Variants in SLC4A5 observed in about 807,000 individuals in gnomAD.
SLC4A5 encodes the protein solute carrier family 4 member 5.
In SLC4A5, 96 loss-of-function variants were observed where a neutral mutation model predicts 120.4. The ratio of observed to expected loss-of-function variants is 0.80; its 90% CI spans 0.68 to 0.94. The LOEUF (loss-of-function observed/expected upper bound fraction) is 0.94, where lower values mean the gene tolerates loss of function less well. SLC4A5 is among the 40% of genes least tolerant of loss of function. The probability of loss-of-function intolerance (pLI) is 0.00; values close to 1 mark genes in which losing one functional copy is unlikely to be tolerated. For synonymous variants in SLC4A5, 550 were observed against 571.1 expected (o/e 0.96, Z 0.53); for missense variants, 1,259 against 1,459.5 (o/e 0.86, Z 2.24).
exon 31 of SLC4A5, chr2:74,218,616 G>A (rs970634099): frequency 2.0e-5 from 3 of 152,628 alleles, no homozygotes; most frequent in Admixed American, 6.5e-5. Flanking sequence ...TCTGGGAGAA[G>A]CTGCTTCATC....
At chr2:74,290,647 GAGAA>G in intron 7 of SLC4A5, 1 of 972,360 alleles carries the variant, frequency 1.0e-6, no homozygotes, top group Non-Finnish European at 1.2e-6. Context: ...GAGAGAGAGA[GAGAA>G]GTGAGCAAGA....
At chr2:74,270,698 C>T (rs940866521) in intron 8 of SLC4A5, among the ~76,000 whole-genome samples, 1 of 152,098 alleles carries the variant, frequency 6.6e-6, no homozygotes, top group Admixed American at 6.5e-5. Context: ...AAAACAAAAA[C>T]CAATGCCTGG....
At chr2:74,328,880 G>C (rs1362977848) in intron 4 of SLC4A5, among the ~76,000 whole-genome samples, 4 of 152,196 alleles carry the variant, frequency 2.6e-5, no homozygotes, top group African/African-American at 9.7e-5. Flanking sequence ...ATAAACATGT[G>C]TACTTATTTT....
intron 5 of SLC4A5, 64 bp from the exon 6 acceptor site, chr2:74,315,089 A>T (rs1290280434): frequency 3.7e-6 from 5 of 1,342,576 alleles, no homozygotes; most frequent in African/African-American, 1.4e-5. Context: ...TTTCAAGGAG[A>T]AATGGTCAAA....
In SLC4A5 at chr2:74,231,231, C is replaced by T. The variant is rs1558868109; in HGVS notation, c.2847+5G>A. The T allele has an allele frequency of 6.2e-7, 1 of 1,610,724 alleles. No homozygotes were observed. The highest frequency in any genetic ancestry group is 8.5e-7 in the Non-Finnish European group (1 of 1,178,258). ...GAGGCCCTAGGTGACAGTGCAGGAC[C>T]TCACCTTTAGGATGGGAGCCAGGAA... On this transcript the variant is annotated splice_donor_5th_base_variant and intron_variant, in intron 25 of 30. Transcript: ENST00000394019.
rs558432925 is a variant in SLC4A5 at position 74,296,052 on chromosome 2, C to T, written c.271+8437G>A. Reference sequence around the variant, plus strand: ...ATTTTCATTGGTTCACTTGCAAATTCAGGCTCTCAACCCATTTCCCCTTAA... The same window carrying T: ...ATTTTCATTGGTTCACTTGCAAATTTAGGCTCTCAACCCATTTCCCCTTAA... On this transcript the variant is annotated intron_variant, in intron 7 of 30. Coordinates refer to ENST00000394019, the Ensembl canonical transcript of SLC4A5. 5.3e-5 allele frequency among the ~76,000 whole-genome samples: 8 copies of T among 152,324 alleles called. No homozygotes were observed. In the South Asian group the frequency reaches 1.7e-3, roughly 32 times the overall value.
At chr2:74,282,275 G>T (rs1367802299) in intron 8 of SLC4A5, among the ~76,000 whole-genome samples, 2 of 152,340 alleles carry the variant, frequency 1.3e-5, no homozygotes, top group East Asian at 1.9e-4. Flanking sequence ...TAGCTGTAGA[G>T]AGTAGAAAAG....
intron 5 of SLC4A5, among the ~76,000 whole-genome samples, chr2:74,323,589 T>C (rs1673145691): frequency 6.6e-6 from 1 of 151,670 alleles, no homozygotes; most frequent in South Asian, 2.1e-4. Context: ...AGGGAAAAAA[T>C]GAAATGTAAA....
intron 21 of SLC4A5, 152 bp downstream of exon 21, chr2:74,239,183 C>T: frequency 1.5e-6 from 1 of 665,488 alleles, no homozygotes; most frequent in South Asian, 1.9e-5. Flanking sequence ...GACCAGCCAA[C>T]AAGGGAACAC....
intron 21 of SLC4A5, among the ~76,000 whole-genome samples, chr2:74,237,323 C>A (rs1236134607): frequency 6.6e-6 from 1 of 152,076 alleles, no homozygotes; most frequent in African/African-American, 2.4e-5. Flanking sequence ...GTTGTTGGCA[C>A]AAGAATTTCA....
chr2:74,244,849 A>C (rs149094129), intron 19 of SLC4A5, among the ~76,000 whole-genome samples: 4 of 152,348 alleles, frequency 2.6e-5, no homozygotes, highest in Non-Finnish European at 5.9e-5. Flanking sequence ...GAGAACCATG[A>C]CAATAGCATG....
chr2:74,308,197 A>T lies in SLC4A5; in HGVS notation c.80-3517T>A, dbSNP rs189339153. 4.7e-4 allele frequency among the ~76,000 whole-genome samples: 71 copies of T among 152,372 alleles called. No homozygotes were observed. In the East Asian group the frequency reaches 0.013, roughly 29 times the overall value. ...AGTGCAGCTCTAAACATTCATATGT[A>T]GGCTTCTATGTGAACATAATTTTCA... On this transcript the variant is annotated intron_variant, in intron 6 of 30. Transcript: ENST00000394019.
At chr2:74,220,489 CTTAAGCCA>C (rs1302188762) in intron 30 of SLC4A5, among the ~76,000 whole-genome samples, 1 of 152,180 alleles carries the variant, frequency 6.6e-6, no homozygotes, top group African/African-American at 2.4e-5. Flanking sequence ...TGATATTACA[CTTAAGCCA>C]TGCCTAGTTT....
chr2:74,226,002 C>T (rs976337449), intron 27 of SLC4A5, among the ~76,000 whole-genome samples: 1 of 152,198 alleles, frequency 6.6e-6, no homozygotes, highest in African/African-American at 2.4e-5. Context: ...ACTGCCTTTC[C>T]CTTCGCCAGC....
At chr2:74,232,324 G>T in intron 24 of SLC4A5, 145 bp downstream of exon 24, 1 of 927,860 alleles carries the variant, frequency 1.1e-6, no homozygotes, top group Non-Finnish European at 1.6e-6. Flanking sequence ...TCCCTCCAGG[G>T]ATAGCACTCC....
intron 8 of SLC4A5, among the ~76,000 whole-genome samples, chr2:74,275,148 G>A (rs1671599276): frequency 6.6e-6 from 1 of 152,220 alleles, no homozygotes; most frequent in South Asian, 2.1e-4. Flanking sequence ...TTCCCAGACA[G>A]TGATGAACTG....
intron 6 of SLC4A5, among the ~76,000 whole-genome samples, chr2:74,312,629 A>AATTTGATTAC (rs1672842028): frequency 2.0e-5 from 3 of 152,292 alleles, no homozygotes; most frequent in South Asian, 4.1e-4. Flanking sequence ...TGTTTAGACC[A>AATTTGATTAC]TTCATATTTG....
intron 29 of SLC4A5, 124 bp downstream of exon 29, chr2:74,222,744 G>A (rs1352138468): frequency 1.2e-6 from 1 of 852,868 alleles, no homozygotes; most frequent in Non-Finnish European, 1.9e-6. Flanking sequence ...TGACAAAAAA[G>A]TTGGGGACTG....
rs115281491 is a variant in SLC4A5 at position 74,260,236 on chromosome 2, C to A, written c.812-593G>T. Among the ~76,000 whole-genome samples, 718 of 152,286 alleles carry A rather than the reference C, an allele frequency of 4.7e-3. 9 individuals are homozygous for A. The highest frequency in any genetic ancestry group is 0.015 in the African/African-American group (636 of 41,542). On this transcript the variant is annotated intron_variant, in intron 11 of 30. Coordinates refer to ENST00000394019, the Ensembl canonical transcript of SLC4A5. ...TCCCACTAGCCCAATCTGGTGGACA[C>A]CCTCAGACCTATCGTGTCTCGGCTA...
Sources: allele counts gnomAD v4.1 joint callset (sites outside exome capture counted in the v4.1 genomes callset), GRCh38; gene constraint gnomAD v4.1.1; transcripts MANE v1.5; gene names NCBI Gene and HGNC (gene_info 2026-07-23, HGNC 2026-07-21).